Variants in SHISA9 observed in about 807,000 individuals in gnomAD.
SHISA9 encodes shisa family member 9.
A neutral mutation model predicts 38.0 loss-of-function variants in SHISA9; 13 were observed. That is an observed-to-expected ratio of 0.34 (90% CI 0.22 to 0.54). The LOEUF is 0.54. Among genes scored for constraint, SHISA9 ranks in the 20% least tolerant of loss-of-function variants. SHISA9 has a pLI of 0.91. For synonymous variants in SHISA9, 275 were observed against 242.0 expected (o/e 1.14, Z -1.27); for missense variants, 538 against 575.8 (o/e 0.93, Z 0.67).
At chr16:13,056,086 C>T (rs2073306201) in intron 2 of SHISA9, among the ~76,000 whole-genome samples, 1 of 152,160 alleles carries the variant, frequency 6.6e-6, no homozygotes, top group African/African-American at 2.4e-5. Flanking sequence ...CCTCTGAGGG[C>T]ACAGTTCAGG....
At chr16:13,503,510 T>G in the SHISA9 span, among the ~76,000 whole-genome samples, 1 of 152,216 alleles carries the variant, frequency 6.6e-6, no homozygotes, top group Non-Finnish European at 1.5e-5. Flanking sequence ...ACATGGCTAC[T>G]TGGGCTTCCT....
At chr16:13,232,118 G>A (rs989275906) in intron 4 of SHISA9, among the ~76,000 whole-genome samples, 6 of 152,208 alleles carry the variant, frequency 3.9e-5, no homozygotes, top group Admixed American at 3.9e-4. Context: ...CATTCTAGTA[G>A]GGAGGCAGGC....
intron 3 of SHISA9, among the ~76,000 whole-genome samples, chr16:13,211,099 C>A (rs2051114755): frequency 6.6e-6 from 1 of 152,104 alleles, no homozygotes; most frequent in Non-Finnish European, 1.5e-5. Context: ...GAGTTCGAGA[C>A]CAGCCTGGCC....
the SHISA9 span, among the ~76,000 whole-genome samples, chr16:13,295,042 A>G: frequency 3.9e-5 from 6 of 152,170 alleles, no homozygotes; most frequent in African/African-American, 1.4e-4. Flanking sequence ...AAACTGGGGA[A>G]TAGAAAGGTT....
At chr16:13,265,331 C>T in the SHISA9 span, among the ~76,000 whole-genome samples, 1 of 96,996 alleles carries the variant, frequency 1.0e-5, no homozygotes, top group African/African-American at 4.3e-5. Flanking sequence ...CATCTCTTTC[C>T]CCTCCCCTTT....
At chr16:13,109,137 C>T (rs1304358134) in intron 2 of SHISA9, among the ~76,000 whole-genome samples, 3 of 152,132 alleles carry the variant, frequency 2.0e-5, no homozygotes, top group Non-Finnish European at 2.9e-5. Flanking sequence ...AGTGATCCTC[C>T]TACCTCATCC....
At chr16:13,541,855 C>A in the SHISA9 span, among the ~76,000 whole-genome samples, 2 of 152,158 alleles carry the variant, frequency 1.3e-5, no homozygotes, top group Non-Finnish European at 2.9e-5. Context: ...AGAGGATATT[C>A]GACGTGAGGT....
rs56045222 is a variant in SHISA9 at position 13,045,597 on chromosome 16, TGAGGGAGAGGGAGAGGGA to T, written c.691+128809_691+128826del. ...CCACAGAGCTTTGGCTTACAGATGA[TGAGGGAGAGGGAGAGGGA>T]GAGGGAGAGGGAGAGGGAGAGGGAG... On this transcript the variant is annotated intron_variant, in intron 2 of 4. Transcript: ENST00000558583. Among the ~76,000 whole-genome samples the T allele has an allele frequency of 7.3e-3, 1,050 of 143,628 alleles. 5 individuals are homozygous for T. Among genetic ancestry groups the T allele is most frequent in the Middle Eastern group, 0.011 (3 of 282 alleles). The allele number at this position is 143,628 out of a possible 152,430, so 94.2% of individuals were successfully genotyped here.
the SHISA9 span, among the ~76,000 whole-genome samples, chr16:13,408,744 A>C: frequency 6.6e-6 from 1 of 152,212 alleles, no homozygotes; most frequent in Non-Finnish European, 1.5e-5. Flanking sequence ...CTCTGTACGT[A>C]CATTTCTACA....
At chr16:13,021,433 G>T (rs1173522744) in intron 2 of SHISA9, among the ~76,000 whole-genome samples, 1 of 152,140 alleles carries the variant, frequency 6.6e-6, no homozygotes, top group Non-Finnish European at 1.5e-5. Context: ...GATGGAAGCC[G>T]AAGAGTCTCC....
the SHISA9 span, among the ~76,000 whole-genome samples, chr16:13,378,779 A>G: frequency 1.3e-5 from 2 of 152,230 alleles, no homozygotes; most frequent in Admixed American, 6.5e-5. Flanking sequence ...TTGTACATGA[A>G]TGAGTGTTCA....
the SHISA9 span, among the ~76,000 whole-genome samples, chr16:13,370,288 G>C: frequency 6.6e-6 from 1 of 152,152 alleles, no homozygotes; most frequent in African/African-American, 2.4e-5. Context: ...ACAAACCTCA[G>C]TGGGAAATGG....
At chr16:13,389,565 C>G in the SHISA9 span, among the ~76,000 whole-genome samples, 2 of 152,102 alleles carry the variant, frequency 1.3e-5, no homozygotes, top group Non-Finnish European at 2.9e-5. Flanking sequence ...GATTCACCTA[C>G]TGAAGGATAT....
chr16:13,130,479 T>G (rs2050297200), intron 2 of SHISA9, among the ~76,000 whole-genome samples: 2 of 152,226 alleles, frequency 1.3e-5, no homozygotes, highest in Non-Finnish European at 2.9e-5. Context: ...TCATTTAATA[T>G]TGATACCACA....
intron 1 of SHISA9, among the ~76,000 whole-genome samples, chr16:12,907,709 A>G (rs1394896199): frequency 1.3e-5 from 2 of 152,148 alleles, no homozygotes; most frequent in Non-Finnish European, 2.9e-5. Flanking sequence ...GTGTTTTAAA[A>G]CCAGCTGAGA....
the SHISA9 span, among the ~76,000 whole-genome samples, chr16:13,268,818 T>A: frequency 6.6e-6 from 1 of 152,316 alleles, no homozygotes; most frequent in African/African-American, 2.4e-5. Context: ...CAACTAGCTT[T>A]GTGACATATT....
chr16:13,210,347 A>T (rs2051106418), intron 3 of SHISA9, among the ~76,000 whole-genome samples: 1 of 152,172 alleles, frequency 6.6e-6, no homozygotes, highest in Non-Finnish European at 1.5e-5. Flanking sequence ...AAGATGGCTC[A>T]ATGCAACCTT....
intron 4 of SHISA9, among the ~76,000 whole-genome samples, chr16:13,219,569 T>G (rs1434564830): frequency 6.6e-6 from 1 of 152,194 alleles, no homozygotes; most frequent in East Asian, 1.9e-4. Context: ...ATCCCAGGTT[T>G]TGCTCTGATT....
At chr16:12,999,212 G>C (rs528912007) in intron 2 of SHISA9, among the ~76,000 whole-genome samples, 10 of 152,118 alleles carry the variant, frequency 6.6e-5, no homozygotes, top group Admixed American at 4.6e-4. Context: ...AGCACTACAC[G>C]TGGGGGCTGC....
Sources: gnomAD v4.1 joint callset for allele counts (sites outside exome capture counted in the v4.1 genomes callset) on GRCh38, gnomAD v4.1.1 for gene constraint, MANE v1.5 for transcripts, NCBI Gene and HGNC (gene_info 2026-07-23, HGNC 2026-07-21) for gene names.